Variants in SPCS3 observed in about 807,000 individuals in gnomAD.
SPCS3 encodes the protein signal peptidase complex subunit 3, also known as SPase 22 kDa subunit.
Under a neutral mutation model 17.2 loss-of-function variants are expected in SPCS3, and 9 were observed. The observed-to-expected ratio is 0.52, with a 90% confidence interval of 0.31 to 0.91. The LOEUF (loss-of-function observed/expected upper bound fraction) is 0.91. Ranked by LOEUF, SPCS3 falls within the 40% of genes least tolerant of loss-of-function variation. SPCS3 has a pLI of 0.04. For synonymous variants in SPCS3, 87 were observed against 89.6 expected (o/e 0.97, Z 0.16); for missense variants, 139 against 217.5 (o/e 0.64, Z 2.27).
chr4:176,324,500 A>G (rs891435001), intron 3 of SPCS3, among the ~76,000 whole-genome samples: 4 of 152,186 alleles, frequency 2.6e-5, no homozygotes, highest in Admixed American at 2.0e-4. Context: ...GGTCTCCAGA[A>G]TGGAGACTTG....
chr4:176,323,489 G>T (rs1731563868), intron 2 of SPCS3, among the ~76,000 whole-genome samples: 1 of 152,108 alleles, frequency 6.6e-6, no homozygotes, highest in African/African-American at 2.4e-5. Context: ...TAACAAATGT[G>T]TTACTACCAG....
At position 176,322,728 on chromosome 4, in the gene SPCS3, C is replaced by T. The variant is rs115060171; in HGVS notation, c.217+485C>T. On this transcript the variant is annotated intron_variant, in intron 2 of 4. Coordinates refer to ENST00000503362, the MANE Select transcript of SPCS3 (RefSeq NM_021928.4). The stretch of plus-strand genomic sequence containing the variant: ...TTGGTAACCTGTGGTTGCTTTTTGC[C>T]GTCATAACTCTTTTTATAAGGACTT... Among the ~76,000 whole-genome samples, 753 of 151,926 alleles carry T rather than the reference C, an allele frequency of 5.0e-3. 7 individuals are homozygous for T. The highest frequency in any genetic ancestry group is 8.4e-3 in the Non-Finnish European group (568 of 67,906).
At chr4:176,321,055 TAC>T (rs1731531392) in intron 1 of SPCS3, 2 of 152,236 alleles carry the variant, frequency 1.3e-5, no homozygotes, top group African/African-American at 4.8e-5. Flanking sequence ...CTTGTTCTCA[TAC>T]CCTTCTACTC....
chr4:176,320,261 G>A (rs924769458), intron 1 of SPCS3, 42 bp downstream of exon 1: 1 of 1,404,774 alleles, frequency 7.1e-7, no homozygotes, highest in Admixed American at 2.9e-5. Context: ...CCGGGACCGG[G>A]CTGGGGCGGA....
intron 1 of SPCS3, chr4:176,321,163 C>A (rs957727579): frequency 2.8e-5 from 4 of 142,034 alleles, no homozygotes. Context: ...CTCCCCCCAC[C>A]TTTTTTTTTT....
At chr4:176,326,215 C>T (rs770758331) in intron 3 of SPCS3, among the ~76,000 whole-genome samples, 5 of 151,848 alleles carry the variant, frequency 3.3e-5, no homozygotes, top group Non-Finnish European at 5.9e-5. Context: ...GCAGGAGAAT[C>T]GCATGAACCT....
rs1731580377 is a variant in SPCS3 at position 176,324,660 on chromosome 4, T to C, written c.294+403T>C. 2.0e-5 allele frequency among the ~76,000 whole-genome samples: 3 copies of C among 152,258 alleles called. No individual in the cohort carries two copies. In the South Asian group the frequency reaches 6.2e-4, roughly 31 times the overall value. ...CTACCTAGTATTTATTCATTTGCTT[T>C]CAGCATGTTGTAAAATATTGCAGTA... On this transcript the variant is annotated intron_variant, in intron 3 of 4. Transcript: ENST00000503362.
rs542480966 is a variant in SPCS3, at chr4:176,320,246, G to C, written c.143+27G>C. The C allele has an allele frequency of 5.5e-4, 836 of 1,507,804 alleles. 3 individuals are homozygous for C. The African/African-American group carries it at 8.8e-3, about 16-fold the overall frequency. The allele number at this position is 1,507,804 out of a possible 1,614,324, so 93.4% of individuals were successfully genotyped here. A position where few individuals can be genotyped will look rare whatever the true frequency, so the allele number is the denominator to read the frequency against. On this transcript the variant is annotated intron_variant, in intron 1 of 4. Coordinates refer to ENST00000503362, the MANE Select transcript of SPCS3 (RefSeq NM_021928.4). ...TGAGTGAGGCCGGGCCGGCGGTGCA[G>C]GACGCCGGGACCGGGCTGGGGCGGA... is the stretch of plus-strand genomic sequence containing the variant.
At position 176,331,420 on chromosome 4, in the gene SPCS3, C is replaced by T. The variant is rs1731684781; in HGVS notation, c.*3090C>T. 6.6e-6 allele frequency: 1 copy of T among 151,948 alleles called. No individual in the cohort carries two copies. Among genetic ancestry groups the T allele is most frequent in the African/African-American group, 2.4e-5 (1 of 41,340 alleles). 9.4% of individuals were successfully genotyped at this position (151,948 alleles called of 1,614,324 possible). On this transcript the variant is annotated 3_prime_UTR_variant, in exon 5 of 5. Transcript: ENST00000503362. The stretch of plus-strand genomic sequence containing the variant: ...TTTCCTTGCTTTTAGCAGAGAGAAG[C>T]CTGTATATGTTACATGTGTGACTTT...
At chr4:176,321,619 A>G (rs1411843911) in intron 1 of SPCS3, 1 of 152,346 alleles carries the variant, frequency 6.6e-6, no homozygotes, top group African/African-American at 2.4e-5. Flanking sequence ...GTTAAGCACA[A>G]TAAGAGATTA....
At chr4:176,320,581 T>G (rs1731523447) in intron 1 of SPCS3, 1 of 155,674 alleles carries the variant, frequency 6.4e-6, no homozygotes, top group Non-Finnish European at 1.4e-5. Context: ...CCGCCTGGGC[T>G]GGCGCCTCCC....
chr4:176,320,880 T>C (rs983699493), intron 1 of SPCS3: 2 of 152,238 alleles, frequency 1.3e-5, no homozygotes, highest in Non-Finnish European at 2.9e-5. Context: ...GATTTTTGTT[T>C]TGTTGGGTTT....
rs1731514098 is a variant in SPCS3 at position 176,320,076 on chromosome 4, G to T, written c.-1G>T. 1 of 1,554,724 alleles carries T rather than the reference G, an allele frequency of 6.4e-7. No homozygotes were observed. The highest frequency in any genetic ancestry group is 8.7e-7 in the Non-Finnish European group (1 of 1,150,132). On this transcript the variant is annotated 5_prime_UTR_variant, in exon 1 of 5. Coordinates refer to ENST00000503362, the MANE Select transcript of SPCS3 (RefSeq NM_021928.4). Reference sequence around the variant, plus strand: ...GTCCGGACTCGTGGGAGACGATCGCGATGAACACGGTGCTGTCGCGGGCGA... The same window carrying T: ...GTCCGGACTCGTGGGAGACGATCGCTATGAACACGGTGCTGTCGCGGGCGA...
Position 176,322,273 on chromosome 4 carries a change from T to G in SPCS3, c.217+30T>G, listed in dbSNP as rs370571540. On this transcript the variant is annotated intron_variant, in intron 2 of 4. Transcript: ENST00000503362. ...CCTTTAAGAAAATATTTCGTTGCGT[T>G]TTCTGTAGTTTTATAATGAGATATG... The G allele has an allele frequency of 9.3e-5, 133 of 1,427,788 alleles. 1 individual carries two copies. The African/African-American group carries it at 1.4e-3, about 15-fold the overall frequency. The allele number at this position is 1,427,788 out of a possible 1,614,324, so 88.4% of individuals were successfully genotyped here. A position where few individuals can be genotyped will look rare whatever the true frequency, so the allele number is the denominator to read the frequency against.
chr4:176,328,084 C>G, intron 4 of SPCS3, 114 bp from the exon 5 acceptor site: 1 of 948,750 alleles, frequency 1.1e-6, no homozygotes, highest in Non-Finnish European at 1.6e-6. Context: ...ATTAGGATTT[C>G]TGTTAGGAAT....
chr4:176,322,018 T>C, intron 1 of SPCS3, 152 bp from the exon 2 acceptor site: 1 of 493,028 alleles, frequency 2.0e-6, no homozygotes, highest in Admixed American at 3.9e-5. Flanking sequence ...TTCTCCTGTT[T>C]TCACACTTAC....
intron 2 of SPCS3, among the ~76,000 whole-genome samples, chr4:176,323,315 A>G (rs1731561795): frequency 6.6e-6 from 1 of 152,074 alleles, no homozygotes; most frequent in Non-Finnish European, 1.5e-5. Context: ...CCTGGTATCT[A>G]TGGTATTTAT....
At position 176,329,544 on chromosome 4, in the gene SPCS3, T is replaced by C. The variant is rs1731655102; in HGVS notation, c.*1214T>C. On this transcript the variant is annotated 3_prime_UTR_variant, in exon 5 of 5. Transcript: ENST00000503362. ...ATATGGAAGTGACTAATTTTCAAGC[T>C]GCCAACAACTTATATCGAGGTAATA... The C allele has an allele frequency of 6.6e-6, 1 of 152,174 alleles. No individual in the cohort carries two copies. Among genetic ancestry groups the C allele is most frequent in the Admixed American group, 6.5e-5 (1 of 15,278 alleles). The allele number at this position is 152,174 out of a possible 1,614,324, so 9.4% of individuals were successfully genotyped here. A position where few individuals can be genotyped will look rare whatever the true frequency, so the allele number is the denominator to read the frequency against.
rs538315186 is a variant in SPCS3, at chr4:176,322,835, C to T, written c.217+592C>T. 2.0e-5 allele frequency among the ~76,000 whole-genome samples: 3 copies of T among 152,164 alleles called. No homozygotes were observed. In the East Asian group the frequency reaches 5.8e-4, roughly 29 times the overall value. Reference sequence around the variant, plus strand: ...AATATTTTCTCTTGAGATTGAGTTTCTATCTTTTGACAACTCTGATCATTT... The same window carrying T: ...AATATTTTCTCTTGAGATTGAGTTTTTATCTTTTGACAACTCTGATCATTT... On this transcript the variant is annotated intron_variant, in intron 2 of 4. Coordinates refer to ENST00000503362, the MANE Select transcript of SPCS3 (RefSeq NM_021928.4).
Sources: gnomAD v4.1 joint callset for allele counts (sites outside exome capture counted in the v4.1 genomes callset) on GRCh38, gnomAD v4.1.1 for gene constraint, MANE v1.5 for transcripts, NCBI Gene and HGNC (gene_info 2026-07-23, HGNC 2026-07-21) for gene names.